SERPINB7: variants seen among roughly 807,000 people sequenced by gnomAD.
The protein encoded by SERPINB7 is serpin family B member 7.
In SERPINB7, 31 loss-of-function variants were observed where a neutral mutation model predicts 37.4. That is an observed-to-expected ratio of 0.83 (90% confidence interval 0.62 to 1.12). The LOEUF is 1.12. Among genes scored for constraint, SERPINB7 ranks in the 50% most tolerant of loss-of-function variants. SERPINB7 has a pLI of 0.00. For synonymous variants in SERPINB7, 163 were observed against 166.1 expected (o/e 0.98, Z 0.14); for missense variants, 521 against 455.3 (o/e 1.14, Z -1.31).
In SERPINB7 at chr18:63,785,949, A is replaced by G. The variant is rs940892482; in HGVS notation, c.168+3409A>G. On this transcript the variant is annotated intron_variant, in intron 2 of 7. Coordinates refer to ENST00000398019, the MANE Select transcript of SERPINB7 (RefSeq NM_003784.4). ...ATACGTATATATACACATATATAAT[A>G]TACTTATATATACACATATATAATA... Among the ~76,000 whole-genome samples the G allele has an allele frequency of 1.2e-4, 15 of 121,316 alleles. 1 individual carries two copies. The highest frequency in any genetic ancestry group is 5.1e-4 in the African/African-American group (14 of 27,352). 79.6% of individuals were successfully genotyped at this position (121,316 alleles called of 152,430 possible).
upstream of SERPINB7, among the ~76,000 whole-genome samples, chr18:63,774,390 T>G (rs974899336): frequency 6.6e-6 from 1 of 152,106 alleles, no homozygotes; most frequent in Non-Finnish European, 1.5e-5. Flanking sequence ...GGATAAATGT[T>G]GGCTGTACTT....
At chr18:63,777,400 C>T (rs2049259225) in intron 1 of SERPINB7, among the ~76,000 whole-genome samples, 1 of 151,952 alleles carries the variant, frequency 6.6e-6, no homozygotes, top group South Asian at 2.1e-4. Flanking sequence ...TCATATTCAT[C>T]AAATACCAAA....
At chr18:63,794,110 ATTTTTTTTT>A (rs34450022) in intron 4 of SERPINB7, among the ~76,000 whole-genome samples, 4 of 105,572 alleles carry the variant, frequency 3.8e-5, no homozygotes, top group South Asian at 3.7e-4. Context: ...CATCCTGCTA[ATTTTTTTTT>A]TTTTTTTTTT....
In SERPINB7 at chr18:63,786,986, TCA is replaced by T. The variant is rs1183752638; in HGVS notation, c.168+4447_168+4448del. ...TTCCCATTTGGGATTTTTTTAGATT[TCA>T]GCAAGTTTGTTTATACATGAGATGG... On this transcript the variant is annotated intron_variant, in intron 2 of 7. Coordinates refer to ENST00000398019, the MANE Select transcript of SERPINB7 (RefSeq NM_003784.4). Among the ~76,000 whole-genome samples, 5 of 152,186 alleles carry T rather than the reference TCA, an allele frequency of 3.3e-5. No individual in the cohort carries two copies. The East Asian group carries it at 9.6e-4, about 29-fold the overall frequency.
chr18:63,787,707 T>C (rs1398216751), intron 2 of SERPINB7, among the ~76,000 whole-genome samples: 2 of 152,154 alleles, frequency 1.3e-5, no homozygotes, highest in Non-Finnish European at 2.9e-5. Context: ...AGGGAGTTGT[T>C]AAAAAGTTAC....
At chr18:63,764,865 C>T (rs1249033927) in intron 1 of SERPINB7, among the ~76,000 whole-genome samples, 1 of 151,986 alleles carries the variant, frequency 6.6e-6, no homozygotes, top group Non-Finnish European at 1.5e-5. Flanking sequence ...GAAAATAAAA[C>T]AAAATCAACT....
chr18:63,778,271 A>T (rs1340344991), intron 1 of SERPINB7: 1 of 152,156 alleles, frequency 6.6e-6, no homozygotes, highest in Non-Finnish European at 1.5e-5. Flanking sequence ...TTAGAGGTTG[A>T]TCAAAATTTG....
At chr18:63,769,656 T>C (rs983062054) in intron 1 of SERPINB7, among the ~76,000 whole-genome samples, 6 of 152,128 alleles carry the variant, frequency 3.9e-5, no homozygotes, top group African/African-American at 7.2e-5. Flanking sequence ...GCAATTTAAT[T>C]GTCAAAATCT....
chr18:63,760,969 T>C (rs1450510069), intron 1 of SERPINB7, among the ~76,000 whole-genome samples: 2 of 152,216 alleles, frequency 1.3e-5, no homozygotes, highest in Admixed American at 1.3e-4. Context: ...ATAGAGTCCC[T>C]ACTGGGCTAC....
intron 2 of SERPINB7, among the ~76,000 whole-genome samples, chr18:63,783,423 T>C (rs2049334244): frequency 6.6e-6 from 1 of 151,966 alleles, no homozygotes; most frequent in South Asian, 2.1e-4. Flanking sequence ...CCTGAGTAGA[T>C]ACAGTTGAGA....
At chr18:63,768,801 T>C (rs886859733) in intron 1 of SERPINB7, among the ~76,000 whole-genome samples, 1 of 152,104 alleles carries the variant, frequency 6.6e-6, no homozygotes, top group African/African-American at 2.4e-5. Context: ...CCCTTTGCCA[T>C]CTGTCCTCCC....
chr18:63,795,957 G>A (rs1266673936), intron 4 of SERPINB7, among the ~76,000 whole-genome samples: 1 of 152,146 alleles, frequency 6.6e-6, no homozygotes, highest in African/African-American at 2.4e-5. Context: ...TGGTTAGGAG[G>A]CTATTGAGTT....
intron 5 of SERPINB7, among the ~76,000 whole-genome samples, chr18:63,797,357 A>G (rs1016046698): frequency 6.6e-6 from 1 of 152,164 alleles, no homozygotes; most frequent in African/African-American, 2.4e-5. Context: ...CATTATATTC[A>G]TAGTGGGTTA....
In SERPINB7 at chr18:63,798,746, G is replaced by A. The variant is rs763305456; in HGVS notation, c.597G>A (p.Lys199=). The change falls in exon 6 of 8, where the codon AAG becomes AAA. Residue 199 remains lysine, a splice_region_variant and synonymous_variant. Transcript: ENST00000398019. Reference sequence around the variant, plus strand: ...TAAATTGCCATTTCAAATCTCCCAAGGTATGTCGTCAATCTCCTATTTAAT... The same window carrying A: ...TAAATTGCCATTTCAAATCTCCCAAAGTATGTCGTCAATCTCCTATTTAAT... ...ETINCHFKSP[K]CSGKAVAMMH... 1 of 1,611,374 alleles carries A rather than the reference G, an allele frequency of 6.2e-7. No homozygotes were observed.
At chr18:63,764,395 A>G (rs1004581195) in intron 1 of SERPINB7, among the ~76,000 whole-genome samples, 3 of 152,166 alleles carry the variant, frequency 2.0e-5, no homozygotes, top group Non-Finnish European at 2.9e-5. Flanking sequence ...CCCTTTCTTG[A>G]AGGAACTCAG....
At chr18:63,773,389 T>A (rs1462365840), upstream of SERPINB7, among the ~76,000 whole-genome samples, 3 of 152,110 alleles carry the variant, frequency 2.0e-5, no homozygotes, top group Admixed American at 6.6e-5. Flanking sequence ...ATTTGGAACA[T>A]TAAGTATTCC....
intron 1 of SERPINB7, among the ~76,000 whole-genome samples, chr18:63,764,652 A>C (rs1340777611): frequency 3.2e-5 from 3 of 92,566 alleles, no homozygotes. Context: ...TTTAATTGGC[A>C]AAAAAAATGG....
At chr18:63,792,341 G>A (rs2144630795) in intron 2 of SERPINB7, 52 bp from the exon 3 acceptor site, 2 of 1,311,420 alleles carry the variant, frequency 1.5e-6, no homozygotes, top group East Asian at 2.3e-5. Flanking sequence ...CTTGCAAACT[G>A]TTCTCGTAAC....
At chr18:63,779,944 A>G (rs1452565164) in intron 1 of SERPINB7, among the ~76,000 whole-genome samples, 1 of 152,150 alleles carries the variant, frequency 6.6e-6, no homozygotes, top group Non-Finnish European at 1.5e-5. Flanking sequence ...AGAAAAATGT[A>G]TCTTAAAGTA....
Sources: gnomAD v4.1 joint callset for allele counts (sites outside exome capture counted in the v4.1 genomes callset) on GRCh38, gnomAD v4.1.1 for gene constraint, MANE v1.5 for transcripts, NCBI Gene and HGNC (gene_info 2026-07-23, HGNC 2026-07-21) for gene names.